CCSER1: variants seen among roughly 807,000 people sequenced by gnomAD.
CCSER1 encodes serine-rich coiled-coil domain-containing protein 1.
Under a neutral mutation model 82.0 loss-of-function variants are expected in CCSER1, and 41 were observed. The observed-to-expected ratio is 0.50, with a 90% CI of 0.39 to 0.65. CCSER1 has a LOEUF of 0.65. Ranked by LOEUF, CCSER1 falls within the 30% of genes least tolerant of loss-of-function variation. CCSER1 has a pLI of 0.00. For synonymous variants in CCSER1, 414 were observed against 383.9 expected (o/e 1.08, Z -0.92); for missense variants, 1,119 against 1,064.2 (o/e 1.05, Z -0.72).
intron 9 of CCSER1, among the ~76,000 whole-genome samples, chr4:91,052,886 A>C (rs959912851): frequency 3.3e-5 from 5 of 152,130 alleles, no homozygotes; most frequent in Non-Finnish European, 5.9e-5. Flanking sequence ...TGATTTAAGA[A>C]ACCTATGAAG....
intron 10 of CCSER1, among the ~76,000 whole-genome samples, 154 bp downstream of exon 10, chr4:91,086,148 G>T (rs1400085053): frequency 6.6e-6 from 1 of 152,044 alleles, no homozygotes. Context: ...TGTTCATTCT[G>T]CCAAAGCATA....
chr4:90,190,047 T>G (rs576027769), intron 1 of CCSER1, among the ~76,000 whole-genome samples: 1 of 152,154 alleles, frequency 6.6e-6, no homozygotes, highest in African/African-American at 2.4e-5. Flanking sequence ...GTCATTCTGA[T>G]AGCGGCATGA....
intron 4 of CCSER1, among the ~76,000 whole-genome samples, chr4:90,460,892 A>C (rs1370173398): frequency 6.6e-6 from 1 of 152,094 alleles, no homozygotes; most frequent in Non-Finnish European, 1.5e-5. Flanking sequence ...ATGAAGTGTT[A>C]ACATTTCTGA....
intron 10 of CCSER1, among the ~76,000 whole-genome samples, chr4:91,524,625 A>C (rs1011010415): frequency 3.9e-5 from 6 of 152,142 alleles, no homozygotes; most frequent in African/African-American, 1.4e-4. Flanking sequence ...AACAAAAGAG[A>C]ATGAGAGAAG....
chr4:91,411,038 G>A lies in CCSER1; in HGVS notation c.2218-187534G>A, dbSNP rs918280193. 3.9e-5 allele frequency among the ~76,000 whole-genome samples: 6 copies of A among 151,996 alleles called. 1 individual carries two copies. The South Asian group carries it at 1.2e-3, about 32-fold the overall frequency. On this transcript the variant is annotated intron_variant, in intron 10 of 10. Coordinates refer to ENST00000509176, the MANE Select transcript of CCSER1 (RefSeq NM_001145065.2). ...GTTAATAATCTGTTGTTAGATTGAA[G>A]ATTCACAATATTTATATAATTTTAT... is the stretch of plus-strand genomic sequence containing the variant.
chr4:91,251,432 G>C (rs377242273), intron 10 of CCSER1, among the ~76,000 whole-genome samples: 1 of 152,080 alleles, frequency 6.6e-6, no homozygotes, highest in East Asian at 1.9e-4. Flanking sequence ...ATTTAAATTT[G>C]TGGGGAGGGG....
intron 10 of CCSER1, among the ~76,000 whole-genome samples, chr4:91,293,030 G>A (rs981307719): frequency 1.3e-5 from 2 of 151,930 alleles, no homozygotes; most frequent in African/African-American, 2.4e-5. Flanking sequence ...TTGAATTTTA[G>A]ACATCTTTCA....
intron 3 of CCSER1, among the ~76,000 whole-genome samples, chr4:90,384,603 G>A (rs769335329): frequency 6.6e-6 from 1 of 151,780 alleles, no homozygotes; most frequent in African/African-American, 2.4e-5. Flanking sequence ...ACTTCTTACC[G>A]GCCTGAAAGG....
intron 2 of CCSER1, among the ~76,000 whole-genome samples, chr4:90,310,576 A>G (rs951968915): frequency 6.6e-6 from 1 of 152,122 alleles, no homozygotes; most frequent in African/African-American, 2.4e-5. Flanking sequence ...TGTGTCCACA[A>G]TCACAAAACT....
intron 10 of CCSER1, among the ~76,000 whole-genome samples, chr4:91,178,561 A>G (rs140653850): frequency 0.031 from 4,672 of 152,234 alleles, 219 homozygotes; most frequent in African/African-American, 0.1. Flanking sequence ...ACCATTATGT[A>G]ATGGCCTTCC....
In CCSER1 at chr4:90,299,260, T is replaced by C. The variant is rs140993777; in HGVS notation, c.-41-8984T>C. 3.5e-3 allele frequency among the ~76,000 whole-genome samples: 536 copies of C among 152,234 alleles called. 4 individuals carry two copies. Among genetic ancestry groups the C allele is most frequent in the African/African-American group, 0.012 (488 of 41,560 alleles). ...TCTTTTTATCTGGGGGATTGATTTATACAAATCTAATCAGAGACAGTCTGT... is the reference window on the plus strand; with the variant it reads ...TCTTTTTATCTGGGGGATTGATTTACACAAATCTAATCAGAGACAGTCTGT... On this transcript the variant is annotated intron_variant, in intron 1 of 10. Coordinates refer to ENST00000509176, the MANE Select transcript of CCSER1 (RefSeq NM_001145065.2).
chr4:90,430,016 C>T (rs1021583122), intron 4 of CCSER1, among the ~76,000 whole-genome samples: 1 of 151,622 alleles, frequency 6.6e-6, no homozygotes, highest in Non-Finnish European at 1.5e-5. Context: ...ACCTGATGTT[C>T]GTAGAATATA....
intron 10 of CCSER1, among the ~76,000 whole-genome samples, chr4:91,589,511 A>G (rs1208495868): frequency 6.6e-6 from 1 of 151,742 alleles, no homozygotes; most frequent in African/African-American, 2.4e-5. Context: ...TTCTCATTCA[A>G]GAAGCATTTT....
chr4:90,181,387 T>C lies in CCSER1; in HGVS notation c.-42+53556T>C, dbSNP rs889566448. ...GCAAAAGTAATGAACTTTTGGTACA[T>C]GCTACAACATGGATGGACTTGACAT... On this transcript the variant is annotated intron_variant, in intron 1 of 10. Coordinates refer to ENST00000509176, the MANE Select transcript of CCSER1 (RefSeq NM_001145065.2). Among the ~76,000 whole-genome samples, 4 of 152,270 alleles carry C rather than the reference T, an allele frequency of 2.6e-5. No individual in the cohort carries two copies. The East Asian group carries it at 7.7e-4, about 29-fold the overall frequency.
chr4:90,480,162 G>A (rs1451450852), intron 5 of CCSER1, among the ~76,000 whole-genome samples: 1 of 152,172 alleles, frequency 6.6e-6, no homozygotes, highest in East Asian at 1.9e-4. Flanking sequence ...TTTTTTGGCT[G>A]CATAAATGTC....
Position 90,157,788 on chromosome 4 carries a change from G to A in CCSER1, c.-42+29957G>A, listed in dbSNP as rs532834193. The stretch of plus-strand genomic sequence containing the variant: ...TTATACATTCATCTAAATTTTTTTC[G>A]AAGTTTTTAACTTCTTTGCCTTTGG... On this transcript the variant is annotated intron_variant, in intron 1 of 10. Transcript: ENST00000509176. Among the ~76,000 whole-genome samples the A allele has an allele frequency of 4.7e-3, 712 of 151,948 alleles. 6 individuals carry two copies. Among genetic ancestry groups the A allele is most frequent in the Middle Eastern group, 0.02 (6 of 294 alleles).
intron 10 of CCSER1, among the ~76,000 whole-genome samples, chr4:91,449,114 C>A (rs550910711): frequency 6.6e-6 from 1 of 151,956 alleles, no homozygotes; most frequent in Admixed American, 6.6e-5. Flanking sequence ...AATACAAAAC[C>A]CTCGAGAGGT....
intron 5 of CCSER1, among the ~76,000 whole-genome samples, chr4:90,613,301 T>C (rs955999): frequency 0.48 from 72,352 of 151,970 alleles, 20,335 homozygotes; most frequent in African/African-American, 0.79. Context: ...GAAGCAGGGC[T>C]AGCCTCATAA....
chr4:90,309,807 G>T (rs994541917), intron 2 of CCSER1, among the ~76,000 whole-genome samples, 199 bp downstream of exon 2: 10 of 152,014 alleles, frequency 6.6e-5, no homozygotes, highest in African/African-American at 2.4e-4. Flanking sequence ...TGCTGAAAAT[G>T]TAATTCAGCA....
Sources: gnomAD v4.1 joint callset for allele counts (sites outside exome capture counted in the v4.1 genomes callset) on GRCh38, gnomAD v4.1.1 for gene constraint, MANE v1.5 for transcripts, NCBI Gene and HGNC (gene_info 2026-07-23, HGNC 2026-07-21) for gene names.